Variants in CPPED1 observed in about 807,000 individuals in gnomAD.
The protein encoded by CPPED1 is serine/threonine-protein phosphatase CPPED1.
Under a neutral mutation model 28.0 loss-of-function variants are expected in CPPED1, and 28 were observed. That is an observed-to-expected ratio of 1.00 (90% confidence interval 0.74 to 1.37). The LOEUF (loss-of-function observed/expected upper bound fraction) is 1.37, where lower values mean the gene tolerates loss of function less well. CPPED1 is among the 40% of genes most tolerant of loss of function. CPPED1 has a pLI of 0.00. For synonymous variants in CPPED1, 198 were observed against 180.2 expected, an observed-to-expected ratio of 1.10 and a Z score of -0.79; for missense variants, 504 against 416.5, an observed-to-expected ratio of 1.21 and a Z score of -1.83.
intron 2 of CPPED1, among the ~76,000 whole-genome samples, chr16:12,743,574 G>A (rs4781329): frequency 0.57 from 86,001 of 152,042 alleles, 24,499 homozygotes; most frequent in Admixed American, 0.62. Context: ...ACTGATATAA[G>A]TTGATAAGGG....
chr16:12,715,831 A>G (rs376204401), intron 2 of CPPED1, among the ~76,000 whole-genome samples: 23 of 152,262 alleles, frequency 1.5e-4, no homozygotes, highest in South Asian at 4.1e-4. Flanking sequence ...CTCAGCCCCA[A>G]TGGGATGGTT....
intron 2 of CPPED1, among the ~76,000 whole-genome samples, chr16:12,776,265 C>A (rs1267246751): frequency 6.6e-6 from 1 of 152,128 alleles, no homozygotes; most frequent in Non-Finnish European, 1.5e-5. Context: ...AAGCTGGAAC[C>A]CCTAGAAGGA....
intron 2 of CPPED1, among the ~76,000 whole-genome samples, chr16:12,738,437 T>G (rs1413740578): frequency 6.6e-6 from 1 of 151,648 alleles, no homozygotes; most frequent in Non-Finnish European, 1.5e-5. Context: ...ACACACACAC[T>G]CGCGCACACA....
intron 1 of CPPED1, among the ~76,000 whole-genome samples, chr16:12,801,224 G>C (rs113646035): frequency 0.023 from 3,432 of 152,230 alleles, 88 homozygotes; most frequent in African/African-American, 0.064. Context: ...CTCCCAAGTA[G>C]CTAGGACTAC....
intron 1 of CPPED1, among the ~76,000 whole-genome samples, chr16:12,802,998 A>G (rs1382114348): frequency 6.6e-6 from 1 of 152,220 alleles, no homozygotes; most frequent in Non-Finnish European, 1.5e-5. Context: ...GAATCAACAA[A>G]CCAGAAACAA....
chr16:12,665,349 G>A (rs1447895435), intron 3 of CPPED1, among the ~76,000 whole-genome samples: 1 of 152,016 alleles, frequency 6.6e-6, no homozygotes, highest in Non-Finnish European at 1.5e-5. Flanking sequence ...TTATTAACAT[G>A]TTTGTCATAA....
chr16:12,701,792 G>A (rs188873450), intron 3 of CPPED1, among the ~76,000 whole-genome samples: 52 of 152,316 alleles, frequency 3.4e-4, no homozygotes, highest in Non-Finnish European at 6.2e-4. Context: ...ACAGTGGACA[G>A]GCTACAGAGA....
At chr16:12,716,982 A>G (rs1417059915) in intron 2 of CPPED1, among the ~76,000 whole-genome samples, 1 of 151,894 alleles carries the variant, frequency 6.6e-6, no homozygotes, top group Non-Finnish European at 1.5e-5. Context: ...GAGCTTTCCC[A>G]GAAGAAGCAA....
At chr16:12,785,909 T>C (rs1236967439) in intron 1 of CPPED1, among the ~76,000 whole-genome samples, 2 of 150,696 alleles carry the variant, frequency 1.3e-5, no homozygotes, top group African/African-American at 2.5e-5. Context: ...TGAAGCACTC[T>C]GAGTATGACA....
chr16:12,704,774 G>A lies in CPPED1; in HGVS notation c.565C>T (p.Leu189=), dbSNP rs766728534. Reference sequence around the variant, plus strand: ...CAGTGCCGCTGCCTCGCGATGCTCAGCTGCTCGTCCAGCCACTGGTCCTGA... The same window carrying A: ...CAGTGCCGCTGCCTCGCGATGCTCAACTGCTCGTCCAGCCACTGGTCCTGA... ...QAQDQWLDEQ[L]SIARQRHCQH... is the part of the protein sequence containing the mutation. The change falls in exon 3 of 4, where the codon CTG becomes TTG. Residue 189 remains leucine, a synonymous_variant. Coordinates refer to ENST00000381774, the MANE Select transcript of CPPED1 (RefSeq NM_018340.3). 3 of 1,614,224 alleles carry A rather than the reference G, an allele frequency of 1.9e-6. No homozygotes were observed. The highest frequency in any genetic ancestry group is 2.5e-6 in the Non-Finnish European group (3 of 1,180,040).
intron 3 of CPPED1, among the ~76,000 whole-genome samples, chr16:12,675,478 C>T (rs1224371591): frequency 6.6e-6 from 1 of 152,168 alleles, no homozygotes; most frequent in East Asian, 1.9e-4. Context: ...TTTAAGCTAT[C>T]TTGATTCAAG....
At chr16:12,781,757 A>C (rs562134919) in intron 1 of CPPED1, among the ~76,000 whole-genome samples, 1 of 151,972 alleles carries the variant, frequency 6.6e-6, no homozygotes, top group African/African-American at 2.4e-5. Context: ...TTAGAATAAA[A>C]CTCCCCAAAT....
chr16:12,800,670 T>G (rs2080653892), intron 1 of CPPED1, among the ~76,000 whole-genome samples: 2 of 152,154 alleles, frequency 1.3e-5, no homozygotes, highest in Admixed American at 1.3e-4. Flanking sequence ...ACAAAAATCC[T>G]TAGTTACCAC....
chr16:12,789,342 T>C (rs544443849), intron 1 of CPPED1, among the ~76,000 whole-genome samples: 5 of 152,168 alleles, frequency 3.3e-5, no homozygotes, highest in Non-Finnish European at 5.9e-5. Context: ...CAAAGGAAAA[T>C]ACATTGACTG....
intron 2 of CPPED1, among the ~76,000 whole-genome samples, chr16:12,759,769 A>G (rs138088437): frequency 8.3e-4 from 127 of 152,288 alleles, no homozygotes; most frequent in African/African-American, 2.9e-3. Context: ...ACGCCTTGTG[A>G]AAAAGGTGCT....
At chr16:12,699,517 A>G (rs1321388905) in intron 3 of CPPED1, among the ~76,000 whole-genome samples, 1 of 152,098 alleles carries the variant, frequency 6.6e-6, no homozygotes, top group Non-Finnish European at 1.5e-5. Flanking sequence ...TAATGCAACA[A>G]TGAGAGATGA....
intron 2 of CPPED1, among the ~76,000 whole-genome samples, chr16:12,772,189 T>C (rs1434143901): frequency 5.3e-5 from 8 of 152,138 alleles, no homozygotes; most frequent in Admixed American, 5.2e-4. Context: ...TGATGGTCAT[T>C]TGGCCATGGC....
At chr16:12,703,783 G>C (rs2080033121) in intron 3 of CPPED1, among the ~76,000 whole-genome samples, 1 of 151,824 alleles carries the variant, frequency 6.6e-6, no homozygotes, top group African/African-American at 2.4e-5. Flanking sequence ...CAAATCACTG[G>C]TAACCCAGGG....
intron 3 of CPPED1, among the ~76,000 whole-genome samples, chr16:12,676,108 TG>T (rs2079876375): frequency 6.6e-6 from 1 of 152,224 alleles, no homozygotes; most frequent in South Asian, 2.1e-4. Flanking sequence ...CCAGCATATT[TG>T]CTCACTCTCA....
Sources: allele counts gnomAD v4.1 joint callset (sites outside exome capture counted in the v4.1 genomes callset), GRCh38; gene constraint gnomAD v4.1.1; transcripts MANE v1.5; gene names NCBI Gene and HGNC (gene_info 2026-07-23, HGNC 2026-07-21).